CACHD1: variants seen among roughly 807,000 people sequenced by gnomAD.
CACHD1 encodes the protein VWFA and cache domain-containing protein 1.
A neutral mutation model predicts 138.7 loss-of-function variants in CACHD1; 71 were observed. The observed-to-expected ratio is 0.51, with a 90% CI of 0.42 to 0.62. CACHD1 has a LOEUF of 0.62. Among genes scored for constraint, CACHD1 ranks in the 20% least tolerant of loss-of-function variants. The probability of loss-of-function intolerance (pLI) is 0.00; values close to 1 mark genes in which losing one functional copy is unlikely to be tolerated. For missense variants in CACHD1, 1,389 were observed against 1,625.3 expected (o/e 0.85, Z 2.50); for synonymous variants, 578 against 591.5 (o/e 0.98, Z 0.33).
intron 16 of CACHD1, 73 bp downstream of exon 16, chr1:64,666,240 T>C: frequency 1.1e-6 from 1 of 928,598 alleles, no homozygotes; most frequent in Non-Finnish European, 1.7e-6. Flanking sequence ...AATAGAAGAG[T>C]ACGCGCACCA....
In CACHD1 at chr1:64,679,906, C is replaced by A; in HGVS notation, c.3406+150C>A. The A allele has an allele frequency of 3.5e-6, 3 of 849,870 alleles. 1 individual carries two copies. Among genetic ancestry groups the A allele is most frequent in the South Asian group, 3.7e-5 (2 of 53,790 alleles). 52.6% of individuals were successfully genotyped at this position (849,870 alleles called of 1,614,324 possible). On this transcript the variant is annotated intron_variant, in intron 24 of 26. Coordinates refer to ENST00000651257, the MANE Select transcript of CACHD1 (RefSeq NM_020925.4). ...GGAAGTTCCCAAAGCCTGCTTTCTT[C>A]TTCAGTGCCTAAACCCTACAAGCTC...
chr1:64,678,485 A>G (rs1293049692), intron 23 of CACHD1, among the ~76,000 whole-genome samples, 175 bp downstream of exon 23: 2 of 152,196 alleles, frequency 1.3e-5, no homozygotes, highest in Admixed American at 1.3e-4. Flanking sequence ...TATTCTATGC[A>G]GAGAGAGTGA....
chr1:64,659,353 C>T (rs1346748041), intron 13 of CACHD1, among the ~76,000 whole-genome samples: 3 of 151,906 alleles, frequency 2.0e-5, no homozygotes, highest in Non-Finnish European at 4.4e-5. Context: ...AGATACAGCC[C>T]ATTAAAGGTA....
intron 16 of CACHD1, among the ~76,000 whole-genome samples, chr1:64,669,198 A>G (rs1649736785): frequency 1.3e-5 from 2 of 152,226 alleles, no homozygotes; most frequent in Admixed American, 6.5e-5. Flanking sequence ...CTTCATATGT[A>G]AAACAGAGGC....
intron 22 of CACHD1, among the ~76,000 whole-genome samples, 193 bp downstream of exon 22, chr1:64,677,204 C>T (rs1205857103): frequency 6.6e-6 from 1 of 152,104 alleles, no homozygotes; most frequent in Non-Finnish European, 1.5e-5. Context: ...TTAGTAGCCT[C>T]ATCTGTGAAT....
intron 1 of CACHD1, among the ~76,000 whole-genome samples, chr1:64,482,248 AT>A (rs1003471953): frequency 1.1e-4 from 17 of 150,276 alleles, no homozygotes; most frequent in South Asian, 2.1e-4. Context: ...ACTTCATGGG[AT>A]TTTTTTTTTC....
At chr1:64,675,786 T>A in intron 20 of CACHD1, 111 bp from the exon 21 acceptor site, 1 of 744,956 alleles carries the variant, frequency 1.3e-6, no homozygotes, top group Non-Finnish European at 2.1e-6. Context: ...ACTTCTTTTT[T>A]ACTATTCTTT....
rs568911496 is a variant in CACHD1, at chr1:64,546,392, T to C, written c.199-4202T>C. ...TTCTGTTAGCCAGGCTGGAGTGCAG[T>C]AGCACAATCTTGGCTCACTGCAGCC... is the stretch of plus-strand genomic sequence containing the variant. On this transcript the variant is annotated intron_variant, in intron 1 of 26. Transcript: ENST00000651257. 3.3e-5 allele frequency among the ~76,000 whole-genome samples: 5 copies of C among 152,156 alleles called. No homozygotes were observed. In the South Asian group the frequency reaches 1.0e-3, roughly 32 times the overall value.
chr1:64,528,246 A>G (rs1249973154), intron 1 of CACHD1, among the ~76,000 whole-genome samples: 1 of 152,220 alleles, frequency 6.6e-6, no homozygotes, highest in African/African-American at 2.4e-5. Flanking sequence ...ATTTACTGCA[A>G]ATGAAATAAG....
At chr1:64,676,279 G>T (rs1160236457) in intron 21 of CACHD1, among the ~76,000 whole-genome samples, 1 of 152,078 alleles carries the variant, frequency 6.6e-6, no homozygotes, top group African/African-American at 2.4e-5. Context: ...ACCATGTGTT[G>T]AGTACGTTAT....
chr1:64,683,051 C>T (rs540953583), intron 26 of CACHD1, among the ~76,000 whole-genome samples: 3 of 152,134 alleles, frequency 2.0e-5, no homozygotes, highest in South Asian at 2.1e-4. Flanking sequence ...GTCCTCAAAC[C>T]TTGTATTCCC....
At chr1:64,648,108 G>A in intron 9 of CACHD1, 74 bp downstream of exon 9, 1 of 1,145,482 alleles carries the variant, frequency 8.7e-7, no homozygotes, top group Non-Finnish European at 1.3e-6. Flanking sequence ...CTCTTTCTCA[G>A]GATCATAGGG....
At chr1:64,476,609 C>T (rs1256115522) in intron 1 of CACHD1, among the ~76,000 whole-genome samples, 1 of 152,162 alleles carries the variant, frequency 6.6e-6, no homozygotes, top group Non-Finnish European at 1.5e-5. Context: ...TGTCCATTGA[C>T]GGATGACTCT....
At position 64,629,418 on chromosome 1, in the gene CACHD1, G is replaced by A. The variant is rs1648223773; in HGVS notation, c.581G>A (p.Gly194Glu). ...TGGCAATATTTCAGTTCAGAAGAAG[G>A]AATTTTCACTGTTTTCCCAGCACAC... ...IKWQYFSSEE[G>E]IFTVFPAHKF... Residue 194 changes from glycine (G) to glutamate (E), a missense_variant, in exon 5 of 27, where the codon GGA becomes GAA. Coordinates refer to ENST00000651257, the MANE Select transcript of CACHD1 (RefSeq NM_020925.4). 2 of 1,614,134 alleles carry A rather than the reference G, an allele frequency of 1.2e-6. No individual in the cohort carries two copies. The highest frequency in any genetic ancestry group is 1.7e-4 in the Middle Eastern group (1 of 6,060).
intron 15 of CACHD1, 98 bp from the exon 16 acceptor site, chr1:64,665,959 C>A: frequency 1.7e-6 from 1 of 587,536 alleles, no homozygotes; most frequent in Non-Finnish European, 2.9e-6. Flanking sequence ...GAGCTGAGAT[C>A]GCACCACTGC....
chr1:64,586,224 C>G (rs1468427405), intron 3 of CACHD1, among the ~76,000 whole-genome samples: 2 of 152,202 alleles, frequency 1.3e-5, no homozygotes, highest in Admixed American at 1.3e-4. Context: ...CCACCACGCC[C>G]GGCTAATTTT....
intron 1 of CACHD1, among the ~76,000 whole-genome samples, chr1:64,503,211 A>C (rs964678422): frequency 6.6e-6 from 1 of 152,202 alleles, no homozygotes; most frequent in Non-Finnish European, 1.5e-5. Context: ...GAGTTTTTTA[A>C]TGTGAAAAAT....
intron 1 of CACHD1, among the ~76,000 whole-genome samples, chr1:64,538,617 C>T (rs1466707994): frequency 6.6e-6 from 1 of 152,248 alleles, no homozygotes; most frequent in East Asian, 1.9e-4. Flanking sequence ...AGAGCTAGTT[C>T]GCACAGAGCT....
intron 2 of CACHD1, among the ~76,000 whole-genome samples, chr1:64,563,314 T>G (rs1201738447): frequency 3.3e-5 from 5 of 152,186 alleles, no homozygotes; most frequent in African/African-American, 1.2e-4. Context: ...CAGTTTGGTT[T>G]TATAAGAAAA....
Sources: allele counts gnomAD v4.1 joint callset (sites outside exome capture counted in the v4.1 genomes callset), GRCh38; gene constraint gnomAD v4.1.1; transcripts MANE v1.5; gene names NCBI Gene and HGNC (gene_info 2026-07-23, HGNC 2026-07-21).